Variants in TAOK2 observed in about 807,000 individuals in gnomAD.
TAOK2 encodes serine/threonine-protein kinase TAO2.
Under a neutral mutation model 122.5 loss-of-function variants are expected in TAOK2, and 42 were observed. That is an observed-to-expected ratio of 0.34 (90% CI 0.27 to 0.44). The LOEUF is 0.44. Among genes scored for constraint, TAOK2 ranks in the 20% least tolerant of loss-of-function variants. TAOK2 has a pLI of 1.00. For synonymous variants in TAOK2, 704 were observed against 677.6 expected (o/e 1.04, Z -0.61); for missense variants, 1,264 against 1,644.9 (o/e 0.77, Z 4.01).
At position 29,987,970 on chromosome 16, in the gene TAOK2, C is replaced by A. The variant is rs549071207; in HGVS notation, c.3698C>A (p.Pro1233His). Reference sequence around the variant, plus strand: ...ACCCGCCAGTCCCGGGCCCTGCCCCCCTGGAGGTAGCTGACTCCAGCCCTT... The same window carrying A: ...ACCCGCCAGTCCCGGGCCCTGCCCCACTGGAGGTAGCTGACTCCAGCCCTT... Reference protein sequence around the residue: ...SRTRQSRALPPWR With the variant: ...SRTRQSRALPHWR Residue 1233 changes from proline to histidine, a missense_variant, in exon 16 of 16, where the codon CCC becomes CAC. This residue lies in a region of TAOK2 where 824 missense variants were observed against 908.7 expected (regional missense o/e 0.91). Transcript: ENST00000308893. 19 of 1,530,900 alleles carry A rather than the reference C, an allele frequency of 1.2e-5. No individual in the cohort carries two copies. The African/African-American group carries it at 1.5e-4, about 12-fold the overall frequency. The allele number at this position is 1,530,900 out of a possible 1,614,324, so 94.8% of individuals were successfully genotyped here.
rs1567248721 is a variant in TAOK2 at position 29,986,475 on chromosome 16, C to CAGGT, written c.2204_2207dup (p.Arg737GlyfsTer90). ...AGAGTTGCGGCAGAAGCATGCGGCC[C>CAGGT]AGGTTCGCCAGCAGCCCAAGAGCCT... On this transcript the variant is annotated frameshift_variant, in exon 16 of 16. Coordinates refer to ENST00000308893, the MANE Select transcript of TAOK2 (RefSeq NM_016151.4). LOFTEE classifies it high-confidence loss of function. The surrounding 1 kb of genome is among the most constrained non-coding windows in gnomAD (Gnocchi z 4.2). 1 of 1,604,286 alleles carries CAGGT rather than the reference C, an allele frequency of 6.2e-7. No individual in the cohort carries two copies. Among genetic ancestry groups the CAGGT allele is most frequent in the African/African-American group, 1.3e-5 (1 of 74,630 alleles).
chr16:29,976,860 CT>C (rs2069471001), intron 1 of TAOK2, among the ~76,000 whole-genome samples: 2 of 152,228 alleles, frequency 1.3e-5, no homozygotes. Flanking sequence ...TCTGCCCTGC[CT>C]GTTTCGAAGG....
In TAOK2 at chr16:29,979,638, C is replaced by T. The variant is rs932188279; in HGVS notation, c.655+130C>T. 1.5e-5 allele frequency: 11 copies of T among 725,774 alleles called. No homozygotes were observed. In the African/African-American group the frequency reaches 2.0e-4, roughly 13 times the overall value. The allele number at this position is 725,774 out of a possible 1,614,324, so 45.0% of individuals were successfully genotyped here. ...AAGTTCCTGTCCGTTGTGACTCTAC[C>T]CTGGAGCCCAATACAGGCAGCTGGC... On this transcript the variant is annotated intron_variant, in intron 8 of 15. Coordinates refer to ENST00000308893, the MANE Select transcript of TAOK2 (RefSeq NM_016151.4). The surrounding 1 kb of genome is among the most constrained non-coding windows in gnomAD (Gnocchi z 4.1).
chr16:29,986,584 T>C lies in TAOK2; in HGVS notation c.2312T>C (p.Ile771Thr). 1.9e-6 allele frequency: 3 copies of C among 1,613,744 alleles called. No homozygotes were observed. The highest frequency in any genetic ancestry group is 2.5e-6 in the Non-Finnish European group (3 of 1,179,848). Reference protein sequence around the residue: ...ALGPPNTGTPIEQQPCSPGQE... With the variant: ...ALGPPNTGTPTEQQPCSPGQE... ...GGCCCACCCAACACAGGCACCCCTA[T>C]AGAACAGCAGCCCTGCTCACCTGGC... The change falls in exon 16 of 16, where the codon ATA becomes ACA. Residue 771 changes from isoleucine (I) to threonine (T), a missense_variant. Coordinates refer to ENST00000308893, the MANE Select transcript of TAOK2 (RefSeq NM_016151.4). The surrounding 1 kb of genome is among the most constrained non-coding windows in gnomAD (Gnocchi z 4.2).
rs765158975 is a variant in TAOK2 at position 29,988,314 on chromosome 16, T to A, written c.*334T>A. 1.6e-5 allele frequency: 23 copies of A among 1,418,182 alleles called. No individual in the cohort carries two copies. In the South Asian group the frequency reaches 2.9e-4, roughly 18 times the overall value. The allele number at this position is 1,418,182 out of a possible 1,614,324, so 87.8% of individuals were successfully genotyped here. ...TTTTTTCTCCTCTTTGATTTTGTTT[T>A]TCTGTCTCCCTTCCAACCTGTCCCC... On this transcript the variant is annotated 3_prime_UTR_variant, in exon 16 of 16. Transcript: ENST00000308893.
At chr16:29,983,386 T>G (rs1008571168) in intron 12 of TAOK2, 54 bp downstream of exon 12, 1 of 1,561,470 alleles carries the variant, frequency 6.4e-7, no homozygotes, top group Non-Finnish European at 8.7e-7. Context: ...ACTGCCTGGG[T>G]CTTCGCCCTC....
In TAOK2 at chr16:29,977,802, G is replaced by A; in HGVS notation, c.30G>A (p.Leu10=). MPAGGRAGS[L]KDPDVAELFF... is the part of the protein sequence containing the mutation. ...CAGCTGGGGGCCGGGCCGGGAGCCT[G>A]AAGGACCCAGATGTGGCTGAGCTCT... The change falls in exon 2 of 16, where the codon CTG becomes CTA. Residue 10 remains leucine (L), a synonymous_variant. Coordinates refer to ENST00000308893, the MANE Select transcript of TAOK2 (RefSeq NM_016151.4). 6.2e-7 allele frequency: 1 copy of A among 1,614,176 alleles called. No individual in the cohort carries two copies. Among genetic ancestry groups the A allele is most frequent in the Non-Finnish European group, 8.5e-7 (1 of 1,180,000 alleles).
chr16:29,982,906 C>T lies in TAOK2; in HGVS notation c.999+5C>T, dbSNP rs765470250. 2.5e-6 allele frequency: 4 copies of T among 1,613,486 alleles called. No individual in the cohort carries two copies. Among genetic ancestry groups the T allele is most frequent in the South Asian group, 1.1e-5 (1 of 91,046 alleles). ...GAGGCCCCAGAGGAGGAAGAGGTGACCCAGCTTGCCCTAACACCCCTCTTT... is the reference window on the plus strand; with the variant it reads ...GAGGCCCCAGAGGAGGAAGAGGTGATCCAGCTTGCCCTAACACCCCTCTTT... On this transcript the variant is annotated splice_donor_5th_base_variant and intron_variant, in intron 11 of 15. Coordinates refer to ENST00000308893, the MANE Select transcript of TAOK2 (RefSeq NM_016151.4).
rs200146768 is a variant in TAOK2, at chr16:29,983,497, C to G, written c.1261-6C>G. On this transcript the variant is annotated splice_polypyrimidine_tract_variant and splice_region_variant and intron_variant, in intron 12 of 15. Coordinates refer to ENST00000308893, the MANE Select transcript of TAOK2 (RefSeq NM_016151.4). ...AGCCTTGGGTGTTCCTTCTATCTCC[C>G]TCTAGGGCTCTGACAACCTATATGA... 4 of 1,605,990 alleles carry G rather than the reference C, an allele frequency of 2.5e-6. No homozygotes were observed. In the East Asian group the frequency reaches 9.0e-5, roughly 36 times the overall value.
Position 29,987,224 on chromosome 16 carries a change from C to T in TAOK2, c.2952C>T (p.Gly984=), listed in dbSNP as rs769442595. The T allele has an allele frequency of 6.5e-7, 1 of 1,542,958 alleles. No individual in the cohort carries two copies. Among genetic ancestry groups the T allele is most frequent in the African/African-American group, 1.4e-5 (1 of 72,240 alleles). Reference sequence around the variant, plus strand: ...TGCTGGCAGCCCAGGGTGGGGGTGGCCTGCAGGCAGCGCTGCTGGCCCTTG... The same window carrying T: ...TGCTGGCAGCCCAGGGTGGGGGTGGTCTGCAGGCAGCGCTGCTGGCCCTTG... ...LPLLAAQGGG[G]LQAALLALEV... The change falls in exon 16 of 16, where the codon GGC becomes GGT. Residue 984 remains glycine (G), a synonymous_variant. Transcript: ENST00000308893.
chr16:29,979,731 C>G lies in TAOK2; in HGVS notation c.655+223C>G, dbSNP rs2150886992. ...TCTCTTCCTGTCCACTACCCTGGTT[C>G]TGAATCTTTTCTTAGTGCCCACCAT... On this transcript the variant is annotated intron_variant, in intron 8 of 15. Transcript: ENST00000308893. The surrounding 1 kb of genome is among the most constrained non-coding windows in gnomAD (Gnocchi z 4.1). Among the ~76,000 whole-genome samples, 1 of 152,290 alleles carries G rather than the reference C, an allele frequency of 6.6e-6. No individual in the cohort carries two copies. The highest frequency in any genetic ancestry group is 2.4e-5 in the African/African-American group (1 of 41,550).
In TAOK2 at chr16:29,985,760, C is replaced by A; in HGVS notation, c.1891C>A (p.Leu631Met). Residue 631 changes from leucine (L) to methionine (M), a missense_variant, in exon 15 of 16, where the codon CTG becomes ATG. By Grantham distance (15) the Leu-to-Met change is conservative. Around this residue, in one of 4 missense-constraint regions of TAOK2, gnomAD observed 824 missense variants for 908.7 expected, o/e 0.91. Coordinates refer to ENST00000308893, the MANE Select transcript of TAOK2 (RefSeq NM_016151.4). The surrounding 1 kb of genome is among the most constrained non-coding windows in gnomAD (Gnocchi z 6.9). ...GTGCCAGGCGGAGGAGGAAGCAGGG[C>A]TGCTGCGGCGGCAGCGCCAGTACTT... is the stretch of plus-strand genomic sequence containing the variant. ...QQCQAEEEAG[L>M]LRRQRQYFEL... 1 of 1,611,578 alleles carries A rather than the reference C, an allele frequency of 6.2e-7. No homozygotes were observed. Among genetic ancestry groups the A allele is most frequent in the Non-Finnish European group, 8.5e-7 (1 of 1,179,684 alleles).
Position 29,986,073 on chromosome 16 carries a change from C to A in TAOK2, c.1993-192C>A, listed in dbSNP as rs1279464902. Among the ~76,000 whole-genome samples the A allele has an allele frequency of 1.3e-5, 2 of 152,190 alleles. No individual in the cohort carries two copies. The highest frequency in any genetic ancestry group is 4.8e-5 in the African/African-American group (2 of 41,446). On this transcript the variant is annotated intron_variant, in intron 15 of 15. Coordinates refer to ENST00000308893, the MANE Select transcript of TAOK2 (RefSeq NM_016151.4). The surrounding 1 kb of genome is among the most constrained non-coding windows in gnomAD (Gnocchi z 4.2). ...CCCAGGCCAGGGAGGAGCTTGCCTC[C>A]CCTACACCCTCATCTCCTGCCATCC...
chr16:29,977,834 A>T lies in TAOK2; in HGVS notation c.62A>T (p.Lys21Met). 6.2e-7 allele frequency: 1 copy of T among 1,614,184 alleles called. No individual in the cohort carries two copies. The highest frequency in any genetic ancestry group is 8.5e-7 in the Non-Finnish European group (1 of 1,180,018). Residue 21 changes from lysine (K) to methionine (M), a missense_variant, in exon 2 of 16, where the codon AAG (lysine) becomes ATG (methionine). This residue lies in a region of TAOK2 where 254 missense variants were observed against 503.8 expected (regional missense o/e 0.50). Coordinates refer to ENST00000308893, the MANE Select transcript of TAOK2 (RefSeq NM_016151.4). ...KDPDVAELFF[K>M]DDPEKLFSDL... is the part of the protein sequence containing the mutation. ...CCAGATGTGGCTGAGCTCTTCTTCA[A>T]GGATGACCCAGAAAAGCTCTTCTCT... is the stretch of plus-strand genomic sequence containing the variant.
rs745635056 is a variant in TAOK2 at position 29,979,381 on chromosome 16, G to C, written c.564-36G>C. The C allele has an allele frequency of 5.6e-6, 9 of 1,605,520 alleles. No individual in the cohort carries two copies. Among genetic ancestry groups the C allele is most frequent in the Admixed American group, 3.4e-5 (2 of 59,556 alleles). ...GGAGTAGGAGTGACAGGGTCTCGGC[G>C]GGTGATTTGCCTCTCTCTCCTGACC... On this transcript the variant is annotated intron_variant, in intron 7 of 15. Coordinates refer to ENST00000308893, the MANE Select transcript of TAOK2 (RefSeq NM_016151.4). This position sits in a 1 kb window ranked among gnomAD's most constrained non-coding sequence, Gnocchi z 4.1.
chr16:29,989,111 T>G (rs1016437196), downstream of TAOK2: 14 of 985,268 alleles, frequency 1.4e-5, no homozygotes, highest in South Asian at 4.7e-5. Flanking sequence ...CGTGTTGCTT[T>G]CTTCATGGGT....
intron 1 of TAOK2, among the ~76,000 whole-genome samples, chr16:29,977,016 G>T (rs763735170): frequency 2.0e-5 from 3 of 152,188 alleles, no homozygotes; most frequent in Non-Finnish European, 4.4e-5. Flanking sequence ...GATAATGCAC[G>T]TAAGGTACTC....
Position 29,978,993 on chromosome 16 carries a change from G to A in TAOK2, c.372G>A (p.Gln124=), listed in dbSNP as rs2069540033. 1 of 1,614,072 alleles carries A rather than the reference G, an allele frequency of 6.2e-7. No individual in the cohort carries two copies. Among genetic ancestry groups the A allele is most frequent in the Admixed American group, 1.7e-5 (1 of 60,006 alleles). Residue 124 remains glutamine, a synonymous_variant, in exon 6 of 16, where the codon CAG becomes CAA. Transcript: ENST00000308893. ...CTCCAGTGCACAAGAAACCCCTTCA[G>A]GAGGTAGAGATCGCAGCTGTGACCC... is the stretch of plus-strand genomic sequence containing the variant. The part of the protein sequence containing the change: ...DLLEVHKKPL[Q]EVEIAAVTHG...
downstream of TAOK2, chr16:29,991,861 C>T: frequency 3.0e-6 from 1 of 338,730 alleles, no homozygotes; most frequent in East Asian, 4.8e-5. This position sits in a 1 kb window ranked among gnomAD's most constrained non-coding sequence, Gnocchi z 5.6. Context: ...TTCATCTAGT[C>T]CCCTGGGGGA....
Sources: allele counts gnomAD v4.1 joint callset (sites outside exome capture counted in the v4.1 genomes callset), GRCh38; gene constraint gnomAD v4.1.1; regional missense constraint gnomAD v4.1.1; non-coding constraint Gnocchi (gnomAD v3.1); transcripts MANE v1.5; gene names NCBI Gene and HGNC (gene_info 2026-07-23, HGNC 2026-07-21).